NFRKB: variants seen among roughly 807,000 people sequenced by gnomAD.
NFRKB encodes nuclear factor related to kappaB binding protein.
In NFRKB, 62 loss-of-function variants were observed where a neutral mutation model predicts 135.7. That is an observed-to-expected ratio of 0.46 (90% CI 0.37 to 0.56). The LOEUF (loss-of-function observed/expected upper bound fraction) is 0.56. Ranked by LOEUF, NFRKB falls within the 20% of genes least tolerant of loss-of-function variation. The pLI, the probability that NFRKB is intolerant of heterozygous loss-of-function variation, is 0.00. For synonymous variants in NFRKB, 678 were observed against 635.6 expected, an observed-to-expected ratio of 1.07 and a Z score of -1.00; for missense variants, 1,545 against 1,662.0, an observed-to-expected ratio of 0.93 and a Z score of 1.22.
At chr11:129,891,097 G>A (rs1384135479) in intron 3 of NFRKB, among the ~76,000 whole-genome samples, 1 of 152,190 alleles carries the variant, frequency 6.6e-6, no homozygotes, top group African/African-American at 2.4e-5. Flanking sequence ...CGGTTGAAAA[G>A]GTAGTGGTGA....
At position 129,874,319 on chromosome 11, in the gene NFRKB, C is replaced by T. The variant is rs1302049620; in HGVS notation, c.2073G>A (p.Lys691=). ...KPPSKVKSSS[K]ESSIKVLSSG... ...TGCTAAGGACCTTTATGGAGCTCTC[C>T]TTGCTACTGGACTTCTAGAACGGAA... The change falls in exon 21 of 27, where the codon AAG becomes AAA. Residue 691 remains lysine, a synonymous_variant. Coordinates refer to ENST00000682444, the MANE Select transcript of NFRKB (RefSeq NM_001143835.2). This position sits in a 1 kb window ranked among gnomAD's most constrained non-coding sequence, Gnocchi z 4.5. 6.6e-7 allele frequency: 1 copy of T among 1,517,768 alleles called. No individual in the cohort carries two copies. Among genetic ancestry groups the T allele is most frequent in the Non-Finnish European group, 8.8e-7 (1 of 1,135,646 alleles). The allele number at this position is 1,517,768 out of a possible 1,614,324, so 94.0% of individuals were successfully genotyped here. A position where few individuals can be genotyped will look rare whatever the true frequency, so the allele number is the denominator to read the frequency against.
At chr11:129,881,634 T>C (rs1949032285) in intron 12 of NFRKB, 93 bp downstream of exon 12, 1 of 1,587,334 alleles carries the variant, frequency 6.3e-7, no homozygotes, top group Non-Finnish European at 8.6e-7. Flanking sequence ...TGCAAAGGCA[T>C]GATGGATTAC....
At position 129,870,057 on chromosome 11, in the gene NFRKB, A is replaced by C. The variant is rs1948424750; in HGVS notation, c.2968T>G (p.Leu990Val). 6.2e-7 allele frequency: 1 copy of C among 1,614,136 alleles called. No homozygotes were observed. Among genetic ancestry groups the C allele is most frequent in the Admixed American group, 1.7e-5 (1 of 60,008 alleles). The stretch of plus-strand genomic sequence containing the variant: ...CCTGTCCCGAAGAGGTCCTGGGTCA[A>C]TTTGACTGTGGTAACCTGGGACTTG... ...LAKSQVTTVK[L>V]TQDLFGTGGN... is the part of the protein sequence containing the mutation. Residue 990 changes from leucine (L) to valine (V), a missense_variant, in exon 24 of 27, where the codon TTG (leucine) becomes GTG (valine). Leu to Val is a conservative substitution (Grantham distance 32). Transcript: ENST00000682444.
At position 129,869,721 on chromosome 11, in the gene NFRKB, C is replaced by T. The variant is rs1247232526; in HGVS notation, c.3304G>A (p.Gly1102Ser). The T allele has an allele frequency of 7.4e-6, 12 of 1,614,134 alleles. No individual in the cohort carries two copies. Among genetic ancestry groups the T allele is most frequent in the Admixed American group, 1.7e-5 (1 of 60,016 alleles). The part of the protein sequence containing the change: ...QGLGVMPPKA[G>S]QTITVATHAK... The stretch of plus-strand genomic sequence containing the variant: ...TGGGTTGCAACGGTGATGGTCTGGC[C>T]TGCTTTGGGAGGCATCACTCCCAGT... The change falls in exon 24 of 27, where the codon GGC (glycine) becomes AGC (serine). Residue 1102 changes from glycine to serine, a missense_variant. Transcript: ENST00000682444.
chr11:129,884,905 T>C (rs368744790), intron 6 of NFRKB, 59 bp from the exon 7 acceptor site: 198 of 1,612,264 alleles, frequency 1.2e-4, no homozygotes, highest in African/African-American at 3.5e-4. Context: ...ATAGGGGAGA[T>C]TGGGTAAGTG....
At chr11:129,865,195 T>G (rs1948134025) in intron 25 of NFRKB, 94 bp from the exon 26 acceptor site, 7 of 1,438,636 alleles carry the variant, frequency 4.9e-6, no homozygotes, top group Non-Finnish European at 4.7e-6. Flanking sequence ...CAGGGAGGTC[T>G]GTGCCAATGA....
In NFRKB at chr11:129,886,465, T is replaced by C. The variant is rs370091473; in HGVS notation, c.338-21A>G. 29 of 1,608,910 alleles carry C rather than the reference T, an allele frequency of 1.8e-5. No individual in the cohort carries two copies. The African/African-American group carries it at 2.5e-4, about 14-fold the overall frequency. ...TCCGTCTTAAAAAAATAAAGGTATA[T>C]ATATTTACATCAATCAACAAATATA... On this transcript the variant is annotated intron_variant, in intron 4 of 26. Coordinates refer to ENST00000682444, the MANE Select transcript of NFRKB (RefSeq NM_001143835.2).
chr11:129,883,848 A>G (rs1949142429), intron 8 of NFRKB, among the ~76,000 whole-genome samples: 1 of 152,222 alleles, frequency 6.6e-6, no homozygotes, highest in Admixed American at 6.5e-5. Flanking sequence ...CGACAGTGTC[A>G]CTGTAACGAT....
Position 129,870,105 on chromosome 11 carries a change from G to A in NFRKB, c.2920C>T (p.Pro974Ser). 1.1e-5 allele frequency: 17 copies of A among 1,614,258 alleles called. No individual in the cohort carries two copies. Among genetic ancestry groups the A allele is most frequent in the Non-Finnish European group, 1.4e-5 (17 of 1,180,050 alleles). Reference protein sequence around the residue: ...AKGQTVLRITPDMMATLAKSQ... With the variant: ...AKGQTVLRITSDMMATLAKSQ... ...TTGGCCAATGTGGCCATCATGTCCG[G>A]AGTGATTCGCAGAACCGTCTGGCCC... Residue 974 changes from proline to serine, a missense_variant, in exon 24 of 27, where the codon CCG becomes TCG. This residue lies in a region of NFRKB where 753 missense variants were observed against 804.3 expected (regional missense o/e 0.94). Coordinates refer to ENST00000682444, the MANE Select transcript of NFRKB (RefSeq NM_001143835.2).
chr11:129,876,850 T>C lies in NFRKB; in HGVS notation c.1618A>G (p.Met540Val), dbSNP rs747441223. 2 of 1,614,164 alleles carry C rather than the reference T, an allele frequency of 1.2e-6. No individual in the cohort carries two copies. Among genetic ancestry groups the C allele is most frequent in the South Asian group, 1.1e-5 (1 of 91,078 alleles). ...CCCACCACAGACTCAAAGCCGTGCA[T>C]GCGAAAGGTGAACGCCTTATGGGGT... ...SQPHKAFTFR[M>V]HGFESVVGPV... Residue 540 changes from methionine (M) to valine (V), a missense_variant, in exon 17 of 27, where the codon ATG becomes GTG. Transcript: ENST00000682444.
chr11:129,886,164 TAAGA>T (rs1324546342), intron 5 of NFRKB, among the ~76,000 whole-genome samples, 149 bp downstream of exon 5: 2 of 152,246 alleles, frequency 1.3e-5, no homozygotes, highest in Non-Finnish European at 2.9e-5. Flanking sequence ...AAGTTTATCA[TAAGA>T]AAGGATGGCA....
In NFRKB at chr11:129,870,054, T is replaced by G; in HGVS notation, c.2971A>C (p.Thr991Pro). Residue 991 changes from threonine to proline, a missense_variant, in exon 24 of 27, where the codon ACC (threonine) becomes CCC (proline). Transcript: ENST00000682444. ...CCTCCTGTCCCGAAGAGGTCCTGGG[T>G]CAATTTGACTGTGGTAACCTGGGAC... ...AKSQVTTVKL[T>P]QDLFGTGGNT... 1 of 1,614,152 alleles carries G rather than the reference T, an allele frequency of 6.2e-7. No homozygotes were observed. Among genetic ancestry groups the G allele is most frequent in the Non-Finnish European group, 8.5e-7 (1 of 1,180,042 alleles).
At chr11:129,877,464 C>T in intron 15 of NFRKB, 79 bp from the exon 16 acceptor site, 1 of 1,272,964 alleles carries the variant, frequency 7.9e-7, no homozygotes, top group Non-Finnish European at 1.1e-6. Flanking sequence ...CAGAACCATT[C>T]CCACTGTGAC....
In NFRKB at chr11:129,880,392, G is replaced by A. The variant is rs186464921; in HGVS notation, c.1384+1051C>T. On this transcript the variant is annotated intron_variant, in intron 13 of 26. Coordinates refer to ENST00000682444, the MANE Select transcript of NFRKB (RefSeq NM_001143835.2). ...AAGCCCACCTAAGTCTTTCTCAAAC[G>A]TATCCATCCTCTCTCCCTGTGTCTA... Among the ~76,000 whole-genome samples, 498 of 152,080 alleles carry A rather than the reference G, an allele frequency of 3.3e-3. 5 individuals are homozygous for A. The highest frequency in any genetic ancestry group is 0.011 in the African/African-American group (471 of 41,486).
At chr11:129,884,709 G>A (rs1425191448) in intron 7 of NFRKB, 36 bp downstream of exon 7, 1 of 1,611,254 alleles carries the variant, frequency 6.2e-7, no homozygotes, top group Non-Finnish European at 8.5e-7. Flanking sequence ...CCACCGCAAT[G>A]TCCCAGAATG....
At chr11:129,888,490 G>T in intron 4 of NFRKB, 104 bp downstream of exon 4, 1 of 1,189,096 alleles carries the variant, frequency 8.4e-7, no homozygotes. Context: ...CTCAGTATCT[G>T]TACATGAAGA....
At chr11:129,876,659 T>TCA (rs371427623) in intron 17 of NFRKB, 62 bp downstream of exon 17, 271,168 of 1,556,736 alleles carry the variant, frequency 0.17, 25,062 homozygotes, top group South Asian at 0.28. Flanking sequence ...AGTTCAGAGT[T>TCA]GGTAAGAGAA....
intron 1 of NFRKB, among the ~76,000 whole-genome samples, 169 bp from the exon 2 acceptor site, chr11:129,894,607 GTAAAGATA>G (rs1358732715): frequency 4.6e-5 from 7 of 152,228 alleles, no homozygotes; most frequent in African/African-American, 1.7e-4. Context: ...TCAGATCCAT[GTAAAGATA>G]TAGCAGAAAC....
rs747962784 is a variant in NFRKB, at chr11:129,885,536, G to A, written c.539C>T (p.Thr180Ile). The change falls in exon 6 of 27, where the codon ACA becomes ATA. Residue 180 changes from threonine to isoleucine, a missense_variant. Physicochemically the swap from Thr to Ile is moderately conservative, Grantham distance 89 (BLOSUM62 -1). This residue lies in a region of NFRKB where 678 missense variants were observed against 646.7 expected (regional missense o/e 1.05). Transcript: ENST00000682444. ...FRQKRPSPSR[T>I]PEEREWRTQQ... The stretch of plus-strand genomic sequence containing the variant: ...GGTCCGCCACTCCCGCTCCTCAGGT[G>A]TGCGGGATGGTGAAGGGCGTTTCTG... 3 of 1,614,148 alleles carry A rather than the reference G, an allele frequency of 1.9e-6. No individual in the cohort carries two copies. Among genetic ancestry groups the A allele is most frequent in the Middle Eastern group, 1.6e-4 (1 of 6,062 alleles).
Sources: gnomAD v4.1 joint callset for allele counts (sites outside exome capture counted in the v4.1 genomes callset) on GRCh38, gnomAD v4.1.1 for gene constraint, gnomAD v4.1.1 regional missense constraint, Gnocchi (gnomAD v3.1) non-coding constraint, MANE v1.5 for transcripts, NCBI Gene and HGNC (gene_info 2026-07-23, HGNC 2026-07-21) for gene names.